The following LNX2 variants were observed in gnomAD, a reference collection of about 807,000 sequenced individuals.
LNX2 encodes the protein ligand of Numb protein X 2.
Under a neutral mutation model 66.2 loss-of-function variants are expected in LNX2, and 35 were observed. The observed-to-expected ratio is 0.53, with a 90% CI of 0.40 to 0.70. The LOEUF (loss-of-function observed/expected upper bound fraction) is 0.70. Ranked by LOEUF, LNX2 falls within the 30% of genes least tolerant of loss-of-function variation. LNX2 has a pLI of 0.00. For synonymous variants in LNX2, 337 were observed against 315.6 expected (o/e 1.07, Z -0.72); for missense variants, 791 against 850.8 (o/e 0.93, Z 0.87).
chr13:27,586,868 T>C (rs1392983868), intron 1 of LNX2, among the ~76,000 whole-genome samples: 1 of 152,270 alleles, frequency 6.6e-6, no homozygotes, highest in African/African-American at 2.4e-5. Flanking sequence ...AAATAATATC[T>C]TGAAAAACAG....
At position 27,587,150 on chromosome 13, in the gene LNX2, A is replaced by G. The variant is rs373411936; in HGVS notation, c.-100-5347T>C. ...GAGCTAAGAGTTACCACTGAAGGTT[A>G]GACAGGAAGCATCTGTGGTTCCCTT... On this transcript the variant is annotated intron_variant, in intron 1 of 9. Transcript: ENST00000316334. 2.6e-5 allele frequency among the ~76,000 whole-genome samples: 4 copies of G among 152,312 alleles called. No homozygotes were observed. In the South Asian group the frequency reaches 8.3e-4, roughly 32 times the overall value.
At chr13:27,571,636 ATTT>A (rs1227566665) in intron 2 of LNX2, among the ~76,000 whole-genome samples, 1 of 152,194 alleles carries the variant, frequency 6.6e-6, no homozygotes, top group African/African-American at 2.4e-5. Context: ...AAGTGAATTT[ATTT>A]AAAGTGGGCA....
At chr13:27,563,527 G>A (rs2138345060) in intron 4 of LNX2, among the ~76,000 whole-genome samples, 1 of 152,254 alleles carries the variant, frequency 6.6e-6, no homozygotes, top group Admixed American at 6.5e-5. Context: ...AAAGTATAGT[G>A]ACTGATCCTT....
intron 1 of LNX2, among the ~76,000 whole-genome samples, chr13:27,613,141 T>C (rs1302685565): frequency 6.6e-6 from 1 of 152,158 alleles, no homozygotes; most frequent in Non-Finnish European, 1.5e-5. Context: ...AGGGGCGTTA[T>C]CTGGCAGGTA....
At chr13:27,619,406 C>T (rs1943106090) in intron 1 of LNX2, among the ~76,000 whole-genome samples, 1 of 152,176 alleles carries the variant, frequency 6.6e-6, no homozygotes, top group Admixed American at 6.5e-5. Context: ...AGTGCTGCAT[C>T]GAAGTACATG....
chr13:27,568,692 ACTT>A (rs1408062177), intron 3 of LNX2, among the ~76,000 whole-genome samples: 2 of 152,166 alleles, frequency 1.3e-5, no homozygotes, highest in African/African-American at 4.8e-5. Flanking sequence ...CTTGATGTTG[ACTT>A]CTTATGACAA....
intron 1 of LNX2, among the ~76,000 whole-genome samples, chr13:27,584,819 T>C (rs1427118862): frequency 6.6e-6 from 1 of 152,114 alleles, no homozygotes; most frequent in Non-Finnish European, 1.5e-5. Context: ...TAAGAACTAA[T>C]AAAATAATAC....
chr13:27,587,606 A>C (rs1481170420), intron 1 of LNX2, among the ~76,000 whole-genome samples: 2 of 152,232 alleles, frequency 1.3e-5, no homozygotes, highest in Non-Finnish European at 2.9e-5. Flanking sequence ...ACAAAGAATA[A>C]GGTAATACTC....
chr13:27,550,462 A>G lies in LNX2; in HGVS notation c.1808T>C (p.Leu603Ser), dbSNP rs1424466486. 1 of 1,614,102 alleles carries G rather than the reference A, an allele frequency of 6.2e-7. No individual in the cohort carries two copies. Among genetic ancestry groups the G allele is most frequent in the Non-Finnish European group, 8.5e-7 (1 of 1,179,978 alleles). The change falls in exon 9 of 10, where the codon TTA becomes TCA. Residue 603 changes from leucine to serine, a missense_variant. Coordinates refer to ENST00000316334, the MANE Select transcript of LNX2 (RefSeq NM_153371.4). The stretch of plus-strand genomic sequence containing the variant: ...CCAACTTCCCAAGTAACTTCTTCGT[A>G]AAACTATATCGTGGCAGCTATGAAG... Reference protein sequence around the residue: ...STLHSCHDIVLRRSYLGSWGF... With the variant: ...STLHSCHDIVSRRSYLGSWGF...
At chr13:27,574,208 G>A (rs973302893) in intron 2 of LNX2, among the ~76,000 whole-genome samples, 6 of 152,320 alleles carry the variant, frequency 3.9e-5, no homozygotes, top group East Asian at 1.9e-4. Flanking sequence ...ACTTTGGGAC[G>A]CCAAGGCGGG....
chr13:27,562,372 A>C, intron 5 of LNX2, 41 bp downstream of exon 5: 1 of 1,567,552 alleles, frequency 6.4e-7, no homozygotes, highest in Non-Finnish European at 8.6e-7. Flanking sequence ...CTATATGATC[A>C]TTTCGGCCAA....
intron 7 of LNX2, among the ~76,000 whole-genome samples, chr13:27,553,978 T>C (rs959333045): frequency 1.3e-5 from 2 of 152,328 alleles, no homozygotes; most frequent in East Asian, 3.9e-4. Flanking sequence ...TTTGAATGTC[T>C]TCCCTGTTTC....
chr13:27,590,833 T>C (rs945584894), intron 1 of LNX2, among the ~76,000 whole-genome samples: 1 of 152,176 alleles, frequency 6.6e-6, no homozygotes, highest in Non-Finnish European at 1.5e-5. Flanking sequence ...GGCTTCATTA[T>C]CTTAACTAAG....
chr13:27,590,295 T>C (rs963174037), intron 1 of LNX2, among the ~76,000 whole-genome samples: 1 of 151,992 alleles, frequency 6.6e-6, no homozygotes, highest in African/African-American at 2.4e-5. Flanking sequence ...AATGCAGTGG[T>C]GCAATCTCGG....
At chr13:27,579,110 C>T (rs1213784054) in intron 2 of LNX2, among the ~76,000 whole-genome samples, 1 of 152,140 alleles carries the variant, frequency 6.6e-6, no homozygotes, top group Non-Finnish European at 1.5e-5. Flanking sequence ...TACCTAACAC[C>T]TAGAAAAGTA....
chr13:27,560,256 G>A (rs1209000969), intron 5 of LNX2, among the ~76,000 whole-genome samples: 33 of 152,114 alleles, frequency 2.2e-4, no homozygotes. Flanking sequence ...TGGTCACACT[G>A]CCTGGGCTCT....
At chr13:27,563,136 G>A (rs991289354) in intron 4 of LNX2, among the ~76,000 whole-genome samples, 1 of 152,060 alleles carries the variant, frequency 6.6e-6, no homozygotes, top group Non-Finnish European at 1.5e-5. Context: ...TTTACTTCAT[G>A]GGATCAGTAT....
intron 1 of LNX2, among the ~76,000 whole-genome samples, chr13:27,618,137 C>T (rs1198096309): frequency 6.6e-6 from 1 of 152,186 alleles, no homozygotes; most frequent in African/African-American, 2.4e-5. Context: ...TCAATCAATG[C>T]CTGAAGTCAA....
intron 1 of LNX2, among the ~76,000 whole-genome samples, chr13:27,598,589 C>A (rs1271757379): frequency 6.6e-6 from 1 of 151,740 alleles, no homozygotes. Flanking sequence ...CAAGATAACC[C>A]TGAGATGGAT....
Sources: allele counts gnomAD v4.1 joint callset (sites outside exome capture counted in the v4.1 genomes callset), GRCh38; gene constraint gnomAD v4.1.1; transcripts MANE v1.5; gene names NCBI Gene and HGNC (gene_info 2026-07-23, HGNC 2026-07-21).